BCL6: variants seen among roughly 807,000 people sequenced by gnomAD.
BCL6 encodes the protein B-cell lymphoma 6 protein.
A neutral mutation model predicts 59.5 loss-of-function variants in BCL6; 7 were observed. The ratio of observed to expected loss-of-function variants is 0.12; its 90% CI spans 0.07 to 0.22. The LOEUF (loss-of-function observed/expected upper bound fraction) is 0.22, where lower values mean the gene tolerates loss of function less well. Among genes scored for constraint, BCL6 ranks in the 10% least tolerant of loss-of-function variants. The probability of loss-of-function intolerance (pLI) is 1.00; values close to 1 mark genes in which losing one functional copy is unlikely to be tolerated. For missense variants in BCL6, 685 were observed against 939.4 expected (o/e 0.73, Z 3.54); for synonymous variants, 339 against 349.7 (o/e 0.97, Z 0.34).
At chr3:187,731,660 G>T in intron 4 of BCL6, 49 bp downstream of exon 4, 1 of 1,569,488 alleles carries the variant, frequency 6.4e-7, no homozygotes, top group South Asian at 1.1e-5. Flanking sequence ...GTTTCTGATC[G>T]GGGACTATCT....
chr3:187,723,314 T>G (rs1254843796), intron 9 of BCL6, among the ~76,000 whole-genome samples: 2 of 152,200 alleles, frequency 1.3e-5, no homozygotes, highest in Non-Finnish European at 1.5e-5. Flanking sequence ...TTAGTTTAGA[T>G]AAAAGTTACT....
chr3:187,744,183 G>A (rs1711756213), intron 1 of BCL6, among the ~76,000 whole-genome samples: 1 of 152,286 alleles, frequency 6.6e-6, no homozygotes, highest in Admixed American at 6.5e-5. Context: ...CCAACACAGA[G>A]TCACGCAGCG....
At position 187,729,452 on chromosome 3, in the gene BCL6, G is replaced by A. The variant is rs763822826; in HGVS notation, c.953C>T (p.Pro318Leu). 10 of 1,609,844 alleles carry A rather than the reference G, an allele frequency of 6.2e-6. No homozygotes were observed. The highest frequency in any genetic ancestry group is 8.5e-6 in the Non-Finnish European group (10 of 1,177,472). ...CTTCCGGTTCAGGGGTGCATTGGGG[G>A]GCTCGAAATGCAGGGCAATCTCATC... is the stretch of plus-strand genomic sequence containing the variant. ...SEDEIALHFE[P>L]PNAPLNRKGL... The change falls in exon 5 of 10, where the codon CCC (proline) becomes CTC (leucine). Residue 318 changes from proline to leucine, a missense_variant. Pro to Leu is a moderately conservative substitution (Grantham distance 98, BLOSUM62 -3). Transcript: ENST00000406870. The surrounding 1 kb of genome is among the most constrained non-coding windows in gnomAD (Gnocchi z 5.6).
chr3:187,744,718 T>G, intron 1 of BCL6, among the ~76,000 whole-genome samples: 1 of 151,982 alleles, frequency 6.6e-6, no homozygotes, highest in Middle Eastern at 3.4e-3. Context: ...CCTCCCTTTT[T>G]GCCTCCCGGA....
chr3:187,743,927 C>T (rs957062021), intron 1 of BCL6, among the ~76,000 whole-genome samples: 3 of 152,178 alleles, frequency 2.0e-5, no homozygotes, highest in Non-Finnish European at 4.4e-5. Flanking sequence ...CGCGCCCGCG[C>T]CCGCTCCTCC....
chr3:187,738,828 T>G (rs753227798), intron 1 of BCL6, among the ~76,000 whole-genome samples: 2 of 152,208 alleles, frequency 1.3e-5, no homozygotes, highest in Non-Finnish European at 2.9e-5. Context: ...TGAGGCTTTC[T>G]CACCCCTTCG....
Position 187,724,941 on chromosome 3 carries a change from A to G in BCL6, c.1977T>C (p.His659=). 2 of 1,614,096 alleles carry G rather than the reference A, an allele frequency of 1.2e-6. No homozygotes were observed. Among genetic ancestry groups the G allele is most frequent in the East Asian group, 2.2e-5 (1 of 44,872 alleles). Reference sequence around the variant, plus strand: ...GAGCGGCCTCAAGAGGCTTACGTACATGGTAAGGTTTCTCTCCTGTGTGGA... The same window carrying G: ...GAGCGGCCTCAAGAGGCTTACGTACGTGGTAAGGTTTCTCTCCTGTGTGGA... ...LRIHTGEKPY[H]CEKCNLHFRH... is the part of the protein sequence containing the mutation. Residue 659 remains histidine, a splice_region_variant and synonymous_variant, in exon 9 of 10, where the codon CAT becomes CAC. Transcript: ENST00000406870.
At chr3:187,724,737 G>A in intron 9 of BCL6, 1 of 678,176 alleles carries the variant, frequency 1.5e-6, no homozygotes, top group South Asian at 1.9e-5. Flanking sequence ...CTAATGCTTG[G>A]GCCAAGGTCA....
At chr3:187,743,844 G>GTC (rs1376585343) in intron 1 of BCL6, among the ~76,000 whole-genome samples, 1 of 151,898 alleles carries the variant, frequency 6.6e-6, no homozygotes, top group African/African-American at 2.4e-5. Context: ...CTCCCTCGAG[G>GTC]AGAGCCACAG....
chr3:187,724,936 C>A lies in BCL6; in HGVS notation c.1977+5G>T. ...TCAGAGAGCGGCCTCAAGAGGCTTA[C>A]GTACATGGTAAGGTTTCTCTCCTGT... On this transcript the variant is annotated splice_donor_5th_base_variant and intron_variant, in intron 9 of 9. Transcript: ENST00000406870. 6.2e-7 allele frequency: 1 copy of A among 1,613,828 alleles called. No homozygotes were observed. The highest frequency in any genetic ancestry group is 8.5e-7 in the Non-Finnish European group (1 of 1,179,950).
intron 1 of BCL6, among the ~76,000 whole-genome samples, chr3:187,739,285 A>G (rs1194971259): frequency 2.6e-5 from 4 of 152,258 alleles, no homozygotes; most frequent in African/African-American, 9.6e-5. Flanking sequence ...ACCCCGCATC[A>G]GGGGCCCTGC....
intron 1 of BCL6, among the ~76,000 whole-genome samples, chr3:187,744,390 G>C (rs759608452): frequency 6.0e-5 from 9 of 150,672 alleles, no homozygotes; most frequent in African/African-American, 1.2e-4. Flanking sequence ...GAGAGCGCGC[G>C]GAGGTTCCCG....
chr3:187,745,141 A>T (rs530093749), intron 1 of BCL6, among the ~76,000 whole-genome samples: 1 of 152,208 alleles, frequency 6.6e-6, no homozygotes, highest in African/African-American at 2.4e-5. Context: ...ATAAATACAT[A>T]ACAATCTATA....
chr3:187,745,242 A>T (rs551784450), intron 1 of BCL6, among the ~76,000 whole-genome samples, 168 bp downstream of exon 1: 2 of 152,274 alleles, frequency 1.3e-5, no homozygotes, highest in African/African-American at 2.4e-5. Context: ...TTATATCAAT[A>T]GATACACATA....
At chr3:187,744,340 C>A (rs565430704) in intron 1 of BCL6, among the ~76,000 whole-genome samples, 1 of 151,328 alleles carries the variant, frequency 6.6e-6, no homozygotes, top group African/African-American at 2.4e-5. Flanking sequence ...CCCCAAGAAG[C>A]CCTGTCCCGC....
intron 9 of BCL6, 67 bp downstream of exon 9, chr3:187,724,874 G>T (rs79388315): frequency 1.9e-6 from 3 of 1,595,036 alleles, no homozygotes; most frequent in African/African-American, 1.3e-5. Context: ...CCTTCCCTGC[G>T]CTCCACCTCC....
At chr3:187,733,746 G>A in intron 2 of BCL6, 43 bp from the exon 3 acceptor site, 1 of 1,605,060 alleles carries the variant, frequency 6.2e-7, no homozygotes. Context: ...TCCAGAACCT[G>A]TTTCCTGCTT....
chr3:187,744,564 G>A (rs1711793038), intron 1 of BCL6, among the ~76,000 whole-genome samples: 2 of 152,138 alleles, frequency 1.3e-5, no homozygotes, highest in Admixed American at 6.5e-5. Context: ...CATCTCATCT[G>A]GATTTATGAC....
rs776396654 is a variant in BCL6, at chr3:187,729,554, G to A, written c.851C>T (p.Ala284Val). 1 of 1,613,960 alleles carries A rather than the reference G, an allele frequency of 6.2e-7. No homozygotes were observed. The highest frequency in any genetic ancestry group is 1.1e-5 in the South Asian group (1 of 91,088). ...GGGGGCATTTCGGGCTGAGGGGGCAGCAGGTTTGAGGCCCTCAGCCACACT... is the reference window on the plus strand; with the variant it reads ...GGGGGCATTTCGGGCTGAGGGGGCAACAGGTTTGAGGCCCTCAGCCACACT... ...HYSVAEGLKP[A>V]APSARNAPYF... The change falls in exon 5 of 10, where the codon GCT (alanine) becomes GTT (valine). Residue 284 changes from alanine to valine, a missense_variant. Ala to Val is a moderately conservative substitution (Grantham distance 64, BLOSUM62 0). Transcript: ENST00000406870. This position sits in a 1 kb window ranked among gnomAD's most constrained non-coding sequence, Gnocchi z 5.6.
Sources: gnomAD v4.1 joint callset for allele counts (sites outside exome capture counted in the v4.1 genomes callset) on GRCh38, gnomAD v4.1.1 for gene constraint, Gnocchi (gnomAD v3.1) non-coding constraint, MANE v1.5 for transcripts, NCBI Gene and HGNC (gene_info 2026-07-23, HGNC 2026-07-21) for gene names.